The following SPOCK2 variants were observed in gnomAD, a reference collection of about 807,000 sequenced individuals.
SPOCK2 encodes SPARC (osteonectin), cwcv and kazal like domains proteoglycan 2.
SPOCK2 carries 39 observed loss-of-function variants against 60.1 expected under a neutral mutation model. The ratio of observed to expected loss-of-function variants is 0.65; its 90% CI spans 0.50 to 0.85. The LOEUF (loss-of-function observed/expected upper bound fraction) is 0.85. SPOCK2 is among the 40% of genes least tolerant of loss of function. The pLI, the probability that SPOCK2 is intolerant of heterozygous loss-of-function variation, is 0.00. For missense variants in SPOCK2, 523 were observed against 567.4 expected (o/e 0.92, Z 0.80); for synonymous variants, 217 against 231.5 (o/e 0.94, Z 0.57).
chr10:72,074,112 G>C (rs1158562901), intron 1 of SPOCK2, among the ~76,000 whole-genome samples: 1 of 152,166 alleles, frequency 6.6e-6, no homozygotes, highest in Non-Finnish European at 1.5e-5. Flanking sequence ...GGTGAGCAGA[G>C]CTGTCAGGTC....
chr10:72,078,368 G>A (rs1359657803), intron 1 of SPOCK2, among the ~76,000 whole-genome samples: 6 of 151,738 alleles, frequency 4.0e-5, no homozygotes, highest in East Asian at 1.9e-4. Context: ...AAAAATAGCC[G>A]TGTGTGATGG....
At chr10:72,082,424 A>G (rs7895232) in intron 1 of SPOCK2, among the ~76,000 whole-genome samples, 14,386 of 152,172 alleles carry the variant, frequency 0.095, 1,478 homozygotes, top group East Asian at 0.39. Context: ...TGGACTGCAT[A>G]TCTGTGTCCC....
chr10:72,079,547 A>G (rs766656751), intron 1 of SPOCK2, among the ~76,000 whole-genome samples: 2 of 152,234 alleles, frequency 1.3e-5, no homozygotes, highest in Non-Finnish European at 2.9e-5. Context: ...TGGGGGAGAC[A>G]GCAGTGAGTG....
intron 1 of SPOCK2, 32 bp downstream of exon 1, chr10:72,088,107 CG>C (rs1564552809): frequency 6.2e-7 from 1 of 1,606,588 alleles, no homozygotes; most frequent in Non-Finnish European, 8.5e-7. Flanking sequence ...CCCGCAACCC[CG>C]GGTCTCTGCC....
At chr10:72,082,840 T>G (rs1840804235) in intron 1 of SPOCK2, among the ~76,000 whole-genome samples, 1 of 113,968 alleles carries the variant, frequency 8.8e-6, no homozygotes, top group Non-Finnish European at 1.7e-5. Flanking sequence ...GGTGACAGAG[T>G]GAGACCCTGT....
chr10:72,086,818 C>A (rs1264068645), intron 1 of SPOCK2: 3 of 1,532,162 alleles, frequency 2.0e-6, no homozygotes, highest in South Asian at 2.4e-5. Flanking sequence ...ACTTGTCTGA[C>A]GGTAACAAAA....
intron 8 of SPOCK2, 86 bp downstream of exon 8, chr10:72,066,816 G>C (rs963917186): frequency 6.7e-7 from 1 of 1,496,026 alleles, no homozygotes; most frequent in African/African-American, 1.4e-5. Context: ...CCAAGAAAGA[G>C]CCACTCTGAC....
intron 2 of SPOCK2, 96 bp from the exon 3 acceptor site, chr10:72,072,644 G>A: frequency 6.4e-7 from 1 of 1,561,550 alleles, no homozygotes; most frequent in Non-Finnish European, 8.8e-7. Context: ...GGCCAGCGAT[G>A]TCATGTGCCA....
chr10:72,072,428 G>A (rs1316635400), intron 3 of SPOCK2, 75 bp downstream of exon 3: 1 of 1,602,066 alleles, frequency 6.2e-7, no homozygotes, highest in Non-Finnish European at 8.5e-7. Context: ...CCCCCAAGCG[G>A]GCTAAGGGCT....
In SPOCK2 at chr10:72,088,155, C is replaced by T; in HGVS notation, c.174G>A (p.Trp58Ter). 1.2e-6 allele frequency: 2 copies of T among 1,612,894 alleles called. No individual in the cohort carries two copies. Among genetic ancestry groups the T allele is most frequent in the Non-Finnish European group, 1.7e-6 (2 of 1,179,616 alleles). The change falls in exon 1 of 11, where the codon TGG (tryptophan) becomes TGA (stop). Residue 58 changes from tryptophan (W) to a stop codon, truncating the protein, a stop_gained. Transcript: ENST00000373109. LOFTEE classifies it high-confidence loss of function. ...GCGGACTCACGTCTCGGAAGCGGTTCCAGTGCTTGATCTTGCCGCTGTACT... is the reference window on the plus strand; with the variant it reads ...GCGGACTCACGTCTCGGAAGCGGTTTCAGTGCTTGATCTTGCCGCTGTACT... ...ISQYSGKIKH[W>*]NRFRDEVEDD...
intron 5 of SPOCK2, among the ~76,000 whole-genome samples, chr10:72,069,422 G>T (rs1356289510): frequency 6.7e-6 from 1 of 150,204 alleles, no homozygotes; most frequent in Non-Finnish European, 1.5e-5. Flanking sequence ...CCGACTCCTT[G>T]TTGCCAGTAA....
chr10:72,075,681 CAGGG>C (rs1840706869), intron 1 of SPOCK2, among the ~76,000 whole-genome samples: 2 of 152,194 alleles, frequency 1.3e-5, no homozygotes, highest in Non-Finnish European at 2.9e-5. Flanking sequence ...ACTCAGCTGG[CAGGG>C]AGGGAGCCCC....
intron 1 of SPOCK2, among the ~76,000 whole-genome samples, chr10:72,077,087 G>T (rs538615175): frequency 6.6e-6 from 1 of 152,258 alleles, no homozygotes; most frequent in Non-Finnish European, 1.5e-5. Flanking sequence ...GACCTCAGTG[G>T]TGACTGCACC....
chr10:72,084,287 A>C (rs923320017), intron 1 of SPOCK2, among the ~76,000 whole-genome samples: 1 of 152,174 alleles, frequency 6.6e-6, no homozygotes, highest in African/African-American at 2.4e-5. Flanking sequence ...GTGCCTTCAC[A>C]CCTATGCGTC....
intron 1 of SPOCK2, among the ~76,000 whole-genome samples, chr10:72,083,841 C>T (rs1258531838): frequency 1.3e-5 from 2 of 152,124 alleles, no homozygotes; most frequent in Non-Finnish European, 2.9e-5. Context: ...GGACCCAAAC[C>T]CCAATTATGA....
intron 1 of SPOCK2, 67 bp from the exon 2 acceptor site, chr10:72,072,977 G>C (rs1345325956): frequency 1.3e-6 from 2 of 1,550,792 alleles, no homozygotes; most frequent in Non-Finnish European, 1.7e-6. Flanking sequence ...GAAAGATGGG[G>C]ATATCAGTGT....
intron 8 of SPOCK2, among the ~76,000 whole-genome samples, chr10:72,066,542 T>G: frequency 6.7e-6 from 1 of 150,104 alleles, no homozygotes; most frequent in Non-Finnish European, 1.5e-5. Flanking sequence ...GGTCTCCCTG[T>G]ATTGTTTGGG....
Position 72,062,772 on chromosome 10 carries a change from GC to G in SPOCK2, c.1262del (p.Gly421AlafsTer21). On this transcript the variant is annotated frameshift_variant, in exon 11 of 11. Transcript: ENST00000373109. LOFTEE classifies it high-confidence loss of function. The surrounding 1 kb of genome is among the most constrained non-coding windows in gnomAD (Gnocchi z 4.3). ...CTCCTGAGGGCGTCTACCAGATGTAGCCCCCGTCGTCAGCCTCGCCTGCCTC... is the reference window on the plus strand; with the variant it reads ...CTCCTGAGGGCGTCTACCAGATGTAGCCCCGTCGTCAGCCTCGCCTGCCTC... ...EGEAGEADDG[G>X]YIW 1.2e-6 allele frequency: 2 copies of G among 1,605,930 alleles called. No individual in the cohort carries two copies. Among genetic ancestry groups the G allele is most frequent in the South Asian group, 1.1e-5 (1 of 91,000 alleles).
intron 1 of SPOCK2, chr10:72,086,725 C>T: frequency 7.2e-7 from 1 of 1,394,314 alleles, no homozygotes. Flanking sequence ...CCCGGCCACT[C>T]AGCCTGGAGA....
Sources: allele counts gnomAD v4.1 joint callset (sites outside exome capture counted in the v4.1 genomes callset), GRCh38; gene constraint gnomAD v4.1.1; non-coding constraint Gnocchi (gnomAD v3.1); transcripts MANE v1.5; gene names NCBI Gene and HGNC (gene_info 2026-07-23, HGNC 2026-07-21).